Variants in ATP6V1E2 observed in about 807,000 individuals in gnomAD.
ATP6V1E2 encodes ATPase H+ transporting V1 subunit E2, also known as V-type proton ATPase subunit E 2.
For missense variants in ATP6V1E2, 308 were observed against 273.3 expected (o/e 1.13, Z -0.90); for synonymous variants, 121 against 104.2 (o/e 1.16, Z -0.98).
rs897588095 is a variant in ATP6V1E2, at chr2:46,514,823, A to G, written c.-101-2011T>C. On this transcript the variant is annotated intron_variant, in intron 4 of 4. Coordinates refer to ENST00000522587, the MANE Select transcript of ATP6V1E2 (RefSeq NM_001318063.2). Reference sequence around the variant, plus strand: ...AAGTCTAACGGACTCCAACTAAGATAAACCCAAAAAAGTCCTTATCAAGAC... The same window carrying G: ...AAGTCTAACGGACTCCAACTAAGATGAACCCAAAAAAGTCCTTATCAAGAC... Among the ~76,000 whole-genome samples, 12 of 152,304 alleles carry G rather than the reference A, an allele frequency of 7.9e-5. No homozygotes were observed. In the East Asian group the frequency reaches 1.3e-3, roughly 17 times the overall value.
intron 4 of ATP6V1E2, among the ~76,000 whole-genome samples, chr2:46,513,318 A>T (rs567206824): frequency 1.5e-4 from 23 of 152,240 alleles, no homozygotes; most frequent in African/African-American, 5.5e-4. Flanking sequence ...GAGAGATGAG[A>T]CTTGCTTTGT....
intron 2 of ATP6V1E2, among the ~76,000 whole-genome samples, chr2:46,540,614 T>TTTTTTTTTC (rs1667699870): frequency 7.8e-5 from 1 of 12,746 alleles, no homozygotes; most frequent in Non-Finnish European, 1.3e-4. Context: ...TTTCTGTAAC[T>TTTTTTTTTC]TTTTTTTTTT....
intron 2 of ATP6V1E2, among the ~76,000 whole-genome samples, chr2:46,538,677 C>G (rs1667570830): frequency 6.6e-6 from 1 of 152,038 alleles, no homozygotes; most frequent in Admixed American, 6.6e-5. Context: ...TTGCTTCTCT[C>G]TGCACTTTAG....
chr2:46,513,686 T>G (rs1687581733), intron 4 of ATP6V1E2, among the ~76,000 whole-genome samples: 1 of 151,858 alleles, frequency 6.6e-6, no homozygotes. Flanking sequence ...TTAGCCAGGC[T>G]TGGTGGCACG....
chr2:46,541,702 G>C (rs1218989964), intron 1 of ATP6V1E2: 1 of 152,282 alleles, frequency 6.6e-6, no homozygotes, highest in Non-Finnish European at 1.5e-5. Context: ...GAGGGGAGGG[G>C]TGCGGTGTCA....
intron 4 of ATP6V1E2, among the ~76,000 whole-genome samples, chr2:46,521,674 TTCTG>T (rs1170645200): frequency 6.6e-6 from 1 of 152,096 alleles, no homozygotes; most frequent in Non-Finnish European, 1.5e-5. Flanking sequence ...GCATCCCCTC[TTCTG>T]TCTTTCTTTC....
chr2:46,518,758 T>TTTTGTG (rs71394897), intron 4 of ATP6V1E2, among the ~76,000 whole-genome samples: 5 of 140,716 alleles, frequency 3.6e-5, no homozygotes, highest in South Asian at 4.5e-4. Flanking sequence ...CAAGTCAATT[T>TTTTGTG]TGTGTGTGTG....
At chr2:46,540,175 C>T (rs1667655747) in intron 2 of ATP6V1E2, among the ~76,000 whole-genome samples, 2 of 152,130 alleles carry the variant, frequency 1.3e-5, no homozygotes, top group Admixed American at 6.5e-5. Context: ...AAGCCCAGAA[C>T]TTTGGGAGGC....
At position 46,525,325 on chromosome 2, in the gene ATP6V1E2, A is replaced by G. The variant is rs564516714; in HGVS notation, c.-102+10488T>C. ...AAAATTCAAAAAATTAGCCGGGCGC[A>G]GTGGCGGGCGCCTGTAGTCCCAGCT... On this transcript the variant is annotated intron_variant, in intron 4 of 4. Transcript: ENST00000522587. 2.4e-3 allele frequency among the ~76,000 whole-genome samples: 366 copies of G among 150,616 alleles called. 1 individual carries two copies. The highest frequency in any genetic ancestry group is 4.2e-3 in the Admixed American group (63 of 15,064).
chr2:46,517,640 G>GCAACAA (rs1209645547), intron 4 of ATP6V1E2, among the ~76,000 whole-genome samples: 1 of 152,016 alleles, frequency 6.6e-6, no homozygotes, highest in Non-Finnish European at 1.5e-5. Context: ...CAAAGCAAAA[G>GCAACAA]CAACAACAAC....
At chr2:46,537,940 G>A (rs1466386147) in intron 2 of ATP6V1E2, among the ~76,000 whole-genome samples, 1 of 151,832 alleles carries the variant, frequency 6.6e-6, no homozygotes, top group Non-Finnish European at 1.5e-5. Flanking sequence ...GAAGTCCAAA[G>A]AAGAAGTGGG....
In ATP6V1E2 at chr2:46,512,127, G is replaced by A. The variant is rs759409400; in HGVS notation, c.585C>T (p.Thr195=). The change falls in exon 5 of 5, where the codon ACC becomes ACT. Residue 195 remains threonine, a synonymous_variant. Transcript: ENST00000522587. ...CTGAGAGATCCAGTCGGCTTTCCAA[G>A]GTATTTGAAACCTTTATTCTCTGAT... The part of the protein sequence containing the change: ...SGNQRIKVSN[T]LESRLDLSAK... The A allele has an allele frequency of 1.2e-6, 2 of 1,614,140 alleles. No homozygotes were observed. Among genetic ancestry groups the A allele is most frequent in the Non-Finnish European group, 1.7e-6 (2 of 1,180,022 alleles).
chr2:46,529,259 G>A (rs556985561), intron 4 of ATP6V1E2, among the ~76,000 whole-genome samples: 29 of 152,350 alleles, frequency 1.9e-4, no homozygotes, highest in African/African-American at 7.0e-4. Flanking sequence ...GTCCTGGCTG[G>A]CCTCACATTT....
At chr2:46,539,743 A>G (rs1452737057) in intron 2 of ATP6V1E2, among the ~76,000 whole-genome samples, 1 of 152,208 alleles carries the variant, frequency 6.6e-6, no homozygotes, top group African/African-American at 2.4e-5. Flanking sequence ...TCTTGCTTTG[A>G]TGCAGTGCTC....
intron 4 of ATP6V1E2, among the ~76,000 whole-genome samples, chr2:46,534,051 G>A (rs1667321017): frequency 6.6e-6 from 1 of 152,038 alleles, no homozygotes; most frequent in Non-Finnish European, 1.5e-5. Flanking sequence ...CGCTTGATAT[G>A]GTTTGCTTTG....
At position 46,511,945 on chromosome 2, in the gene ATP6V1E2, G is replaced by A. The variant is rs1687474654; in HGVS notation, c.*86C>T. On this transcript the variant is annotated 3_prime_UTR_variant, in exon 5 of 5. Coordinates refer to ENST00000522587, the MANE Select transcript of ATP6V1E2 (RefSeq NM_001318063.2). The stretch of plus-strand genomic sequence containing the variant: ...CAGAACAGTATCAGAGCATCAAAGA[G>A]GAGGAAACACTACTAGTTTCCTTTC... 1.7e-6 allele frequency: 2 copies of A among 1,179,496 alleles called. No individual in the cohort carries two copies. The highest frequency in any genetic ancestry group is 2.4e-5 in the Admixed American group (1 of 40,856). The allele number at this position is 1,179,496 out of a possible 1,614,324, so 73.1% of individuals were successfully genotyped here. A position where few individuals can be genotyped will look rare whatever the true frequency, so the allele number is the denominator to read the frequency against.
At position 46,535,134 on chromosome 2, in the gene ATP6V1E2, G is replaced by A. The variant is rs961769376; in HGVS notation, c.-102+679C>T. On this transcript the variant is annotated intron_variant, in intron 4 of 4. Transcript: ENST00000522587. The surrounding 1 kb of genome is among the most constrained non-coding windows in gnomAD (Gnocchi z 4.4). ...TTTCAGCAGAAAGTTAGAGTGATAG[G>A]GTTTGCCCCATTTGTTCCCTACTTT... is the stretch of plus-strand genomic sequence containing the variant. The A allele has an allele frequency of 6.6e-6, 1 of 152,144 alleles. No individual in the cohort carries two copies. Among genetic ancestry groups the A allele is most frequent in the Non-Finnish European group, 1.5e-5 (1 of 68,042 alleles). 9.4% of individuals were successfully genotyped at this position (152,144 alleles called of 1,614,324 possible).
intron 4 of ATP6V1E2, among the ~76,000 whole-genome samples, chr2:46,516,524 T>C (rs1687717018): frequency 6.6e-6 from 1 of 152,140 alleles, no homozygotes; most frequent in African/African-American, 2.4e-5. Flanking sequence ...AACCTGGTAG[T>C]GCGAGGCTGT....
chr2:46,531,306 T>G (rs1318316345), intron 4 of ATP6V1E2, among the ~76,000 whole-genome samples: 1 of 152,232 alleles, frequency 6.6e-6, no homozygotes, highest in Non-Finnish European at 1.5e-5. Flanking sequence ...GTCTGGCTAC[T>G]TTCACTTAGC....
Sources: allele counts gnomAD v4.1 joint callset (sites outside exome capture counted in the v4.1 genomes callset), GRCh38; gene constraint gnomAD v4.1.1; non-coding constraint Gnocchi (gnomAD v3.1); transcripts MANE v1.5; gene names NCBI Gene and HGNC (gene_info 2026-07-23, HGNC 2026-07-21).